The following ACACB variants were observed in gnomAD, a reference collection of about 807,000 sequenced individuals.
ACACB encodes acetyl-CoA carboxylase beta.
A neutral mutation model predicts 278.8 loss-of-function variants in ACACB; 209 were observed. The ratio of observed to expected loss-of-function variants is 0.75; its 90% CI spans 0.67 to 0.84. The LOEUF (loss-of-function observed/expected upper bound fraction) is 0.84, where lower values mean the gene tolerates loss of function less well. Ranked by LOEUF, ACACB falls within the 40% of genes least tolerant of loss-of-function variation. The pLI is 0.00. For missense variants in ACACB, 2,850 were observed against 3,269.0 expected, an observed-to-expected ratio of 0.87 and a Z score of 3.13; for synonymous variants, 1,174 against 1,285.6, an observed-to-expected ratio of 0.91 and a Z score of 1.86.
intron 50 of ACACB, 67 bp downstream of exon 50, chr12:109,264,453 T>G: frequency 6.3e-7 from 1 of 1,594,424 alleles, no homozygotes; most frequent in Non-Finnish European, 8.6e-7. Flanking sequence ...TGGAGGACAT[T>G]TGGGCTCGGG....
intron 11 of ACACB, among the ~76,000 whole-genome samples, chr12:109,182,732 C>A (rs1018502903): frequency 6.6e-6 from 1 of 152,168 alleles, no homozygotes. Context: ...CAAATGTTTT[C>A]TCCCATGCTG....
intron 12 of ACACB, among the ~76,000 whole-genome samples, chr12:109,186,296 C>G (rs1476967857): frequency 6.6e-6 from 1 of 152,178 alleles, no homozygotes; most frequent in Non-Finnish European, 1.5e-5. Flanking sequence ...TCACTGCTCA[C>G]TTATAGGACA....
rs1200397396 is a variant in ACACB, at chr12:109,216,613, C to T, written c.3351-5C>T. 1 of 1,614,092 alleles carries T rather than the reference C, an allele frequency of 6.2e-7. No individual in the cohort carries two copies. Among genetic ancestry groups the T allele is most frequent in the Non-Finnish European group, 8.5e-7 (1 of 1,179,958 alleles). On this transcript the variant is annotated splice_polypyrimidine_tract_variant and splice_region_variant and intron_variant, in intron 22 of 52. Transcript: ENST00000338432. ...GCATTAAGAGCAGCCTTCCCTTCTC[C>T]CCAGATACCGCAGCGGGATCCGCGG...
At chr12:109,118,696 G>A (rs1389090083) in intron 1 of ACACB, among the ~76,000 whole-genome samples, 1 of 152,196 alleles carries the variant, frequency 6.6e-6, no homozygotes, top group Non-Finnish European at 1.5e-5. Context: ...TTACGGGCAT[G>A]AGCCACTGCA....
intron 19 of ACACB, among the ~76,000 whole-genome samples, chr12:109,206,061 G>GT (rs2045497331): frequency 6.6e-6 from 1 of 152,152 alleles, no homozygotes; most frequent in Admixed American, 6.5e-5. Flanking sequence ...ACTGTGAGGT[G>GT]TTTAACTTTG....
At chr12:109,248,530 G>C (rs1056794561) in intron 40 of ACACB, among the ~76,000 whole-genome samples, 8 of 152,204 alleles carry the variant, frequency 5.3e-5, no homozygotes, top group African/African-American at 1.9e-4. Context: ...GAGTCCAAGA[G>C]TCCAAAGGCC....
intron 22 of ACACB, among the ~76,000 whole-genome samples, chr12:109,215,477 T>A (rs114204155): frequency 0.022 from 3,373 of 151,952 alleles, 131 homozygotes; most frequent in African/African-American, 0.077. Context: ...TTTAAAAAAA[T>A]TTTTGGCTGG....
rs147986536 is a variant in ACACB, at chr12:109,196,879, G to A, written c.2482-129G>A. On this transcript the variant is annotated intron_variant, in intron 16 of 52. Transcript: ENST00000338432. ...GGCAGGAATTGTGAGGGCTGGGTCCGAGAGACGGGGGTGTTCATCTTGGCC... is the reference window on the plus strand; with the variant it reads ...GGCAGGAATTGTGAGGGCTGGGTCCAAGAGACGGGGGTGTTCATCTTGGCC... The A allele has an allele frequency of 8.8e-6, 10 of 1,132,304 alleles. No homozygotes were observed. In the South Asian group the frequency reaches 1.2e-4, roughly 14 times the overall value. The allele number at this position is 1,132,304 out of a possible 1,614,324, so 70.1% of individuals were successfully genotyped here.
intron 21 of ACACB, among the ~76,000 whole-genome samples, chr12:109,211,700 C>T (rs1184521663): frequency 6.6e-6 from 1 of 152,166 alleles, no homozygotes; most frequent in East Asian, 1.9e-4. Context: ...GACGAAAATG[C>T]TTTAAAATTA....
chr12:109,242,687 A>C, intron 37 of ACACB, 95 bp downstream of exon 37: 1 of 1,442,118 alleles, frequency 6.9e-7, no homozygotes. Flanking sequence ...CTAAAGACCT[A>C]GTCTAAAGGA....
At chr12:109,250,669 A>G (rs2047070450) in intron 41 of ACACB, among the ~76,000 whole-genome samples, 1 of 152,072 alleles carries the variant, frequency 6.6e-6, no homozygotes, top group Admixed American at 6.6e-5. Context: ...TACTAGTAGT[A>G]ATTCTAGTAC....
upstream of ACACB, among the ~76,000 whole-genome samples, chr12:109,115,595 G>T (rs1020923187): frequency 6.6e-6 from 1 of 151,666 alleles, no homozygotes; most frequent in Middle Eastern, 3.4e-3. Context: ...CTTCACCCCG[G>T]TTCCTGTAAC....
rs17848802 is a variant in ACACB at position 109,197,029 on chromosome 12, A to G, written c.2503A>G (p.Met835Val). 0.03 allele frequency: 46,955 copies of G among 1,574,128 alleles called. 948 individuals carry two copies. The highest frequency in any genetic ancestry group is 0.068 in the South Asian group (5,735 of 84,582). Residue 835 changes from methionine to valine, a missense_variant, in exon 17 of 53, where the codon ATG (methionine) becomes GTG (valine). Met to Val is a conservative substitution (Grantham distance 21, BLOSUM62 1). This residue lies in a region of ACACB where 2,265 missense variants were observed against 2,561.3 expected (regional missense o/e 0.88). Transcript: ENST00000338432. ...ILKVARQSLT[M>V]FVLIMNGCHI... Reference sequence around the variant, plus strand: ...ACAGGTGGCCCGGCAGTCTCTGACCATGTTCGTTCTCATCATGAATGGCTG... The same window carrying G: ...ACAGGTGGCCCGGCAGTCTCTGACCGTGTTCGTTCTCATCATGAATGGCTG...
chr12:109,241,048 T>C, intron 35 of ACACB, 30 bp from the exon 36 acceptor site: 1 of 1,608,062 alleles, frequency 6.2e-7, no homozygotes, highest in Non-Finnish European at 8.5e-7. Flanking sequence ...GTCTTGGCCC[T>C]GAAACTGGAA....
chr12:109,240,745 A>C (rs767959446), intron 35 of ACACB, among the ~76,000 whole-genome samples: 72 of 151,978 alleles, frequency 4.7e-4, no homozygotes, highest in Non-Finnish European at 9.4e-4. Context: ...TCCAGAAGGA[A>C]GCAGTGCAAT....
chr12:109,213,027 C>A lies in ACACB; in HGVS notation c.3350+91C>A, dbSNP rs145426764. On this transcript the variant is annotated intron_variant, in intron 22 of 52. Transcript: ENST00000338432. The stretch of plus-strand genomic sequence containing the variant: ...TGGTGCTCTGGGGCTGTCTTCAGGG[C>A]AGGCTTGAACTGAGAGAAAGTGTGT... 48 of 1,092,764 alleles carry A rather than the reference C, an allele frequency of 4.4e-5. 1 individual carries two copies. In the African/African-American group the frequency reaches 6.3e-4, roughly 14 times the overall value. The allele number at this position is 1,092,764 out of a possible 1,614,324, so 67.7% of individuals were successfully genotyped here.
chr12:109,144,521 G>T (rs1281751861), intron 2 of ACACB, among the ~76,000 whole-genome samples: 1 of 152,066 alleles, frequency 6.6e-6, no homozygotes, highest in Non-Finnish European at 1.5e-5. Context: ...GTAGGCCATG[G>T]AAGGTGGTGT....
intron 24 of ACACB, among the ~76,000 whole-genome samples, chr12:109,220,849 C>T (rs903006410): frequency 3.3e-5 from 5 of 152,144 alleles, no homozygotes; most frequent in Non-Finnish European, 5.9e-5. Context: ...GCCACCATGC[C>T]CTGCCTAGAA....
chr12:109,160,125 A>AC (rs1415464362), intron 2 of ACACB, among the ~76,000 whole-genome samples: 1 of 149,818 alleles, frequency 6.7e-6, no homozygotes, highest in Non-Finnish European at 1.5e-5. Context: ...CAAACAAAAA[A>AC]CCTCAGCATT....
Sources: allele counts gnomAD v4.1 joint callset (sites outside exome capture counted in the v4.1 genomes callset), GRCh38; gene constraint gnomAD v4.1.1; regional missense constraint gnomAD v4.1.1; transcripts MANE v1.5; gene names NCBI Gene and HGNC (gene_info 2026-07-23, HGNC 2026-07-21).